BNC2: variants seen among roughly 807,000 people sequenced by gnomAD.
BNC2 encodes zinc finger protein basonuclin-2.
A neutral mutation model predicts 76.3 loss-of-function variants in BNC2; 20 were observed. The ratio of observed to expected loss-of-function variants is 0.26; its 90% confidence interval spans 0.18 to 0.38. The LOEUF (loss-of-function observed/expected upper bound fraction) is 0.38, where lower values mean the gene tolerates loss of function less well. Ranked by LOEUF, BNC2 falls within the 10% of genes least tolerant of loss-of-function variation. BNC2 has a pLI of 1.00. For synonymous variants in BNC2, 582 were observed against 514.8 expected (o/e 1.13, Z -1.77); for missense variants, 1,382 against 1,399.8 (o/e 0.99, Z 0.20).
intron 3 of BNC2, among the ~76,000 whole-genome samples, chr9:16,703,803 C>A (rs1823583701): frequency 6.6e-6 from 1 of 152,118 alleles, no homozygotes; most frequent in African/African-American, 2.4e-5. Context: ...ATTTTTGTTA[C>A]ATGACTTTCT....
Position 16,552,646 on chromosome 9 carries a change from G to A in BNC2, c.553C>T (p.Arg185Trp), listed in dbSNP as rs1383583504. The A allele has an allele frequency of 6.2e-6, 10 of 1,614,034 alleles. No homozygotes were observed. Among genetic ancestry groups the A allele is most frequent in the Non-Finnish European group, 7.6e-6 (9 of 1,180,022 alleles). Residue 185 changes from arginine (R) to tryptophan (W), a missense_variant, in exon 5 of 7, where the codon CGG (arginine) becomes TGG (tryptophan). Coordinates refer to ENST00000380672, the MANE Select transcript of BNC2 (RefSeq NM_017637.6). ...MLYGTQAVPVRLKILLDRLFS... is the reference protein window; with the variant it reads ...MLYGTQAVPVWLKILLDRLFS... The stretch of plus-strand genomic sequence containing the variant: ...AGACGGTCCAGCAGGATCTTTAGCC[G>A]CACAGGCACTGCTTGTGTCCCATAG...
intron 1 of BNC2, among the ~76,000 whole-genome samples, chr9:16,770,825 A>C (rs1431338426): frequency 6.6e-6 from 1 of 151,830 alleles, no homozygotes; most frequent in Non-Finnish European, 1.5e-5. Context: ...AGATAGCGAG[A>C]TCATGCCACT....
intron 1 of BNC2, among the ~76,000 whole-genome samples, chr9:16,794,741 A>G (rs1817600098): frequency 6.6e-6 from 1 of 152,168 alleles, no homozygotes; most frequent in South Asian, 2.1e-4. Flanking sequence ...AAAATTAACC[A>G]TATTAGTTCT....
intron 1 of BNC2, among the ~76,000 whole-genome samples, chr9:16,756,802 A>C (rs1211844090): frequency 2.0e-5 from 3 of 152,148 alleles, no homozygotes; most frequent in African/African-American, 7.2e-5. Flanking sequence ...ATCCTGGCTA[A>C]CACAGTGAAA....
intron 5 of BNC2, among the ~76,000 whole-genome samples, chr9:16,486,197 A>G (rs1267757352): frequency 1.3e-5 from 2 of 152,340 alleles, no homozygotes; most frequent in Admixed American, 6.5e-5. Context: ...ATAGGGATCC[A>G]TCTGCCTCTG....
At chr9:16,597,908 C>T (rs1169500661) in intron 3 of BNC2, among the ~76,000 whole-genome samples, 1 of 151,882 alleles carries the variant, frequency 6.6e-6, no homozygotes, top group Non-Finnish European at 1.5e-5. Flanking sequence ...GAGTTAAATC[C>T]ATATATTGGG....
chr9:16,802,870 G>A (rs1817816826), intron 1 of BNC2, among the ~76,000 whole-genome samples: 1 of 152,186 alleles, frequency 6.6e-6, no homozygotes, highest in East Asian at 1.9e-4. Flanking sequence ...CAAATGGAGG[G>A]TCACTAACTT....
chr9:16,653,706 A>G (rs180800753), intron 3 of BNC2, among the ~76,000 whole-genome samples: 5 of 152,272 alleles, frequency 3.3e-5, no homozygotes, highest in Non-Finnish European at 7.3e-5. Flanking sequence ...GGTGGGGAAT[A>G]GTTGTCTGCA....
intron 1 of BNC2, among the ~76,000 whole-genome samples, chr9:16,801,742 AAACAC>A (rs950111848): frequency 4.2e-4 from 30 of 72,192 alleles, no homozygotes; most frequent in African/African-American, 1.2e-3. Flanking sequence ...AAAAAAAAAA[AAACAC>A]ACACACACAG....
intron 1 of BNC2, among the ~76,000 whole-genome samples, chr9:16,810,073 T>A (rs965730733): frequency 6.6e-6 from 1 of 152,128 alleles, no homozygotes; most frequent in Non-Finnish European, 1.5e-5. Flanking sequence ...TACTGACCCA[T>A]CTCAATTAAT....
chr9:16,428,884 C>T (rs973153431), intron 6 of BNC2, among the ~76,000 whole-genome samples: 2 of 152,122 alleles, frequency 1.3e-5, no homozygotes, highest in African/African-American at 4.8e-5. Flanking sequence ...GACATAAAAT[C>T]TAGGTATATT....
chr9:16,798,351 G>A (rs1563948052), intron 1 of BNC2, among the ~76,000 whole-genome samples: 1 of 152,070 alleles, frequency 6.6e-6, no homozygotes, highest in African/African-American at 2.4e-5. Flanking sequence ...TCTAATTTAG[G>A]TAATTTGGCA....
chr9:16,641,343 G>A (rs1464135326), intron 3 of BNC2, among the ~76,000 whole-genome samples: 1 of 152,156 alleles, frequency 6.6e-6, no homozygotes, highest in African/African-American at 2.4e-5. Flanking sequence ...GTGGTCAGAT[G>A]AGTGGGACAT....
intron 3 of BNC2, among the ~76,000 whole-genome samples, chr9:16,718,964 C>T (rs927047990): frequency 3.3e-5 from 5 of 152,114 alleles, no homozygotes; most frequent in Non-Finnish European, 7.4e-5. Flanking sequence ...ACAGTAAGTC[C>T]TTCCACAAAG....
intron 4 of BNC2, among the ~76,000 whole-genome samples, chr9:16,558,758 G>A (rs1401656341): frequency 6.6e-6 from 1 of 151,856 alleles, no homozygotes; most frequent in African/African-American, 2.4e-5. Context: ...GTGAAACCAC[G>A]TCTCTACTAA....
At chr9:16,644,741 A>G (rs1004845882) in intron 3 of BNC2, among the ~76,000 whole-genome samples, 1 of 152,238 alleles carries the variant, frequency 6.6e-6, no homozygotes, top group Non-Finnish European at 1.5e-5. Context: ...AGCACATATC[A>G]AACATTGCAC....
chr9:16,659,371 G>A (rs7047235), intron 3 of BNC2, among the ~76,000 whole-genome samples: 95,717 of 151,806 alleles, frequency 0.63, 31,883 homozygotes, highest in African/African-American at 0.86. Flanking sequence ...GCACTTTGGG[G>A]GGCCGAGGTG....
chr9:16,708,834 G>C (rs1475395350), intron 3 of BNC2, among the ~76,000 whole-genome samples: 2 of 152,156 alleles, frequency 1.3e-5, no homozygotes, highest in Admixed American at 1.3e-4. Flanking sequence ...CTGAGATGCT[G>C]ATTCAGCGCT....
intron 4 of BNC2, chr9:16,575,445 G>A (rs943536576): frequency 2.0e-6 from 2 of 985,242 alleles, no homozygotes; most frequent in Non-Finnish European, 2.4e-6. Flanking sequence ...CTAATAGGCA[G>A]ACAGCCCAGG....
Sources: gnomAD v4.1 joint callset for allele counts (sites outside exome capture counted in the v4.1 genomes callset) on GRCh38, gnomAD v4.1.1 for gene constraint, MANE v1.5 for transcripts, NCBI Gene and HGNC (gene_info 2026-07-23, HGNC 2026-07-21) for gene names.